AOPEP: variants seen among roughly 807,000 people sequenced by gnomAD.
The protein encoded by AOPEP is aminopeptidase O (putative).
AOPEP carries 77 observed loss-of-function variants against 98.1 expected under a neutral mutation model. The ratio of observed to expected loss-of-function variants is 0.78; its 90% CI spans 0.65 to 0.95. The LOEUF (loss-of-function observed/expected upper bound fraction) is 0.95. Among genes scored for constraint, AOPEP ranks in the 40% least tolerant of loss-of-function variants. The pLI, the probability that AOPEP is intolerant of heterozygous loss-of-function variation, is 0.00. For synonymous variants in AOPEP, 346 were observed against 365.3 expected (o/e 0.95, Z 0.60); for missense variants, 1,024 against 1,024.7 (o/e 1.00, Z 0.01).
intron 5 of AOPEP, among the ~76,000 whole-genome samples, chr9:94,847,761 A>G (rs1171961626): frequency 1.3e-5 from 2 of 152,186 alleles, no homozygotes; most frequent in Non-Finnish European, 2.9e-5. Flanking sequence ...TACTCTTAAT[A>G]CCCTTAGACC....
chr9:95,038,076 T>C (rs908788520), intron 13 of AOPEP, among the ~76,000 whole-genome samples: 25 of 152,230 alleles, frequency 1.6e-4, no homozygotes, highest in Admixed American at 1.6e-3. Context: ...CTTGAGCCTG[T>C]GTCTCCCACA....
At chr9:94,780,210 C>G (rs1333871562) in intron 3 of AOPEP, among the ~76,000 whole-genome samples, 1 of 152,170 alleles carries the variant, frequency 6.6e-6, no homozygotes, top group African/African-American at 2.4e-5. Flanking sequence ...GTTACCTGGT[C>G]TTTTACAGAA....
intron 5 of AOPEP, among the ~76,000 whole-genome samples, chr9:94,887,189 T>TA (rs1028271265): frequency 2.5e-4 from 37 of 150,474 alleles, no homozygotes; most frequent in South Asian, 6.4e-4. Flanking sequence ...TACAAAAAAT[T>TA]AAAAAAAAAT....
At chr9:94,803,305 A>C (rs1848578446) in intron 5 of AOPEP, among the ~76,000 whole-genome samples, 1 of 152,144 alleles carries the variant, frequency 6.6e-6, no homozygotes, top group Non-Finnish European at 1.5e-5. Context: ...TTCTTTAGTG[A>C]TTAGGTCTTA....
intron 5 of AOPEP, among the ~76,000 whole-genome samples, chr9:94,804,529 G>A (rs550860864): frequency 1.3e-5 from 2 of 152,236 alleles, no homozygotes; most frequent in South Asian, 2.1e-4. Context: ...GGAAAATTGA[G>A]GGGAAAAAAA....
At chr9:94,997,801 C>T (rs759798476) in intron 11 of AOPEP, among the ~76,000 whole-genome samples, 6 of 152,216 alleles carry the variant, frequency 3.9e-5, no homozygotes, top group Non-Finnish European at 8.8e-5. Context: ...TCAAGCGATA[C>T]TTCTGCCTCA....
intron 5 of AOPEP, among the ~76,000 whole-genome samples, chr9:94,893,268 A>G (rs2049078622): frequency 6.6e-6 from 1 of 152,128 alleles, no homozygotes; most frequent in Non-Finnish European, 1.5e-5. Context: ...AACATAAGAC[A>G]CTCAAGTTGC....
intron 5 of AOPEP, among the ~76,000 whole-genome samples, chr9:94,871,212 A>G (rs1243598360): frequency 6.6e-6 from 1 of 152,162 alleles, no homozygotes. Flanking sequence ...TCAACTTGCT[A>G]TCTTTAGCTT....
intron 14 of AOPEP, among the ~76,000 whole-genome samples, chr9:95,064,181 A>C (rs2067620687): frequency 6.6e-6 from 1 of 151,702 alleles, no homozygotes; most frequent in Non-Finnish European, 1.5e-5. Flanking sequence ...AGGAAACTCC[A>C]GGTTGATTGG....
chr9:94,832,328 TTATCA>T (rs1046527054), intron 5 of AOPEP, among the ~76,000 whole-genome samples: 1 of 152,224 alleles, frequency 6.6e-6, no homozygotes, highest in Non-Finnish European at 1.5e-5. Context: ...TCAACTTTTC[TTATCA>T]TAGGAGAAAT....
intron 13 of AOPEP, among the ~76,000 whole-genome samples, chr9:95,032,089 G>A (rs1042561730): frequency 4.6e-5 from 7 of 152,224 alleles, no homozygotes; most frequent in Non-Finnish European, 7.3e-5. Flanking sequence ...TCCCAGGAAA[G>A]CAAACTAACT....
intron 5 of AOPEP, among the ~76,000 whole-genome samples, chr9:94,857,480 G>GC (rs1429256370): frequency 6.6e-6 from 1 of 152,150 alleles, no homozygotes; most frequent in Non-Finnish European, 1.5e-5. Context: ...TGGTAGGAGC[G>GC]CATTTTCCTT....
At chr9:94,848,795 G>A (rs2135101251) in intron 5 of AOPEP, among the ~76,000 whole-genome samples, 1 of 152,196 alleles carries the variant, frequency 6.6e-6, no homozygotes, top group Admixed American at 6.5e-5. Context: ...ATTTTATTTT[G>A]TTTTATTTTT....
intron 1 of AOPEP, among the ~76,000 whole-genome samples, chr9:94,734,079 T>G (rs1831186286): frequency 2.0e-5 from 3 of 152,216 alleles, no homozygotes; most frequent in Non-Finnish European, 2.9e-5. Context: ...TTGATTGATT[T>G]ATTTACTGGC....
the AOPEP span, among the ~76,000 whole-genome samples, chr9:95,092,800 G>C: frequency 6.6e-6 from 1 of 152,172 alleles, no homozygotes; most frequent in Non-Finnish European, 1.5e-5. Flanking sequence ...CAGAACAGAA[G>C]TGCGTTTCCT....
intron 11 of AOPEP, among the ~76,000 whole-genome samples, chr9:94,982,564 A>AATTTTTTTTTTTTTT (rs1564480333): frequency 7.1e-6 from 1 of 140,098 alleles, no homozygotes; most frequent in African/African-American, 2.9e-5. Flanking sequence ...CAAGAGCAAT[A>AATTTTTTTTTTTTTT]CTTTTTTTTT....
intron 1 of AOPEP, among the ~76,000 whole-genome samples, chr9:94,737,119 T>A (rs946268186): frequency 3.3e-5 from 5 of 152,086 alleles, no homozygotes; most frequent in Non-Finnish European, 7.4e-5. Context: ...AGATTTTTTT[T>A]AATGTTTCTT....
Position 94,916,191 on chromosome 9 carries a change from G to A in AOPEP, c.1365-7795G>A, listed in dbSNP as rs146895678. ...ATCACAGTGGAGGCTAATTTTATTAGCTCTTTTTATGGGAACAAACATCAT... is the reference window on the plus strand; with the variant it reads ...ATCACAGTGGAGGCTAATTTTATTAACTCTTTTTATGGGAACAAACATCAT... On this transcript the variant is annotated intron_variant, in intron 5 of 16. Coordinates refer to ENST00000375315, the MANE Select transcript of AOPEP (RefSeq NM_001193329.3). Among the ~76,000 whole-genome samples, 1,354 of 152,246 alleles carry A rather than the reference G, an allele frequency of 8.9e-3. 11 individuals are homozygous for A. The highest frequency in any genetic ancestry group is 0.017 in the Middle Eastern group (5 of 294).
the AOPEP span, among the ~76,000 whole-genome samples, chr9:95,093,519 C>T: frequency 6.6e-6 from 1 of 152,252 alleles, no homozygotes; most frequent in African/African-American, 2.4e-5. Flanking sequence ...AACAAAGAGT[C>T]TTCCTTTGCA....
Sources: allele counts gnomAD v4.1 joint callset (sites outside exome capture counted in the v4.1 genomes callset), GRCh38; gene constraint gnomAD v4.1.1; transcripts MANE v1.5; gene names NCBI Gene and HGNC (gene_info 2026-07-23, HGNC 2026-07-21).